Variants in SLC12A9 observed in about 807,000 individuals in gnomAD.
The protein encoded by SLC12A9 is CCC-interacting protein 1.
In SLC12A9, 55 loss-of-function variants were observed where a neutral mutation model predicts 66.0. The ratio of observed to expected loss-of-function variants is 0.83; its 90% CI spans 0.67 to 1.04. The LOEUF (loss-of-function observed/expected upper bound fraction) is 1.04, where lower values mean the gene tolerates loss of function less well. Ranked by LOEUF, SLC12A9 falls within the 50% of genes least tolerant of loss-of-function variation. SLC12A9 has a pLI of 0.00. For missense variants in SLC12A9, 1,061 were observed against 1,241.9 expected, an observed-to-expected ratio of 0.85 and a Z score of 2.19; for synonymous variants, 577 against 569.0, an observed-to-expected ratio of 1.01 and a Z score of -0.20.
chr7:100,836,408 C>G (rs1423266096), intron 1 of SLC12A9, among the ~76,000 whole-genome samples: 1 of 152,072 alleles, frequency 6.6e-6, no homozygotes, highest in East Asian at 1.9e-4. Context: ...GACGCAGGGC[C>G]TCAGCCCTCT....
rs372145865 is a variant in SLC12A9, at chr7:100,865,917, C to T, written c.2057C>T (p.Thr686Met). ...CTCAATCCCCAGGACTATGTGGCCA[C>T]GGTGGCCGACGCCCTCAAGATGAAC... ...RALNPQDYVA[T>M]VADALKMNKN... The change falls in exon 14 of 14, where the codon ACG (threonine) becomes ATG (methionine). Residue 686 changes from threonine (T) to methionine (M), a missense_variant. Physicochemically the swap from Thr to Met is moderately conservative, Grantham distance 81. Transcript: ENST00000354161. 18 of 1,613,324 alleles carry T rather than the reference C, an allele frequency of 1.1e-5. No individual in the cohort carries two copies. Among genetic ancestry groups the T allele is most frequent in the East Asian group, 4.5e-5 (2 of 44,872 alleles).
intron 12 of SLC12A9, 33 bp from the exon 13 acceptor site, chr7:100,862,648 C>A (rs370763540): frequency 1.7e-5 from 28 of 1,611,396 alleles, no homozygotes; most frequent in Non-Finnish European, 2.3e-5. Flanking sequence ...TTGGACAACA[C>A]TGGCTACCTT....
chr7:100,836,604 GCCTCGCACTGCTGC>G (rs1813664245), intron 1 of SLC12A9, among the ~76,000 whole-genome samples: 1 of 152,142 alleles, frequency 6.6e-6, no homozygotes, highest in Non-Finnish European at 1.5e-5. Flanking sequence ...CAGGGGTCTA[GCCTCGCACTGCTGC>G]CCTCCAGGAA....
At chr7:100,858,654 TG>T in intron 5 of SLC12A9, 180 bp from the exon 6 acceptor site, 8 of 592,288 alleles carry the variant, frequency 1.4e-5, no homozygotes, top group South Asian at 7.9e-5. Context: ...ATCGGAGCAC[TG>T]GGGGGACGTG....
chr7:100,860,842 G>T, intron 9 of SLC12A9: 1 of 500,670 alleles, frequency 2.0e-6, no homozygotes. Flanking sequence ...CACTTTGGGG[G>T]TACACTGGCA....
At chr7:100,826,955 GCC>G (rs141919245) in exon 1 of SLC12A9, 4 of 1,485,256 alleles carry the variant, frequency 2.7e-6, no homozygotes, top group African/African-American at 3.0e-5. Context: ...GACGGGGTGC[GCC>G]CCCCCCCGCA....
At chr7:100,828,880 A>G (rs1314255209) in intron 1 of SLC12A9, among the ~76,000 whole-genome samples, 2 of 152,114 alleles carry the variant, frequency 1.3e-5, no homozygotes, top group African/African-American at 4.8e-5. Flanking sequence ...GGAACTTAAC[A>G]GTATGGGTTA....
intron 1 of SLC12A9, among the ~76,000 whole-genome samples, chr7:100,843,875 G>T (rs1813841909): frequency 6.6e-6 from 1 of 152,110 alleles, no homozygotes; most frequent in Non-Finnish European, 1.5e-5. Context: ...AACTGTATAG[G>T]GGTGTTAGAC....
At chr7:100,853,117 G>A (rs1401563896) in intron 1 of SLC12A9, among the ~76,000 whole-genome samples, 1 of 152,040 alleles carries the variant, frequency 6.6e-6, no homozygotes, top group Non-Finnish European at 1.5e-5. Flanking sequence ...GAGATGGGTT[G>A]AGGGAGAGGA....
intron 1 of SLC12A9, among the ~76,000 whole-genome samples, chr7:100,843,599 G>C (rs1418064235): frequency 6.6e-6 from 1 of 152,224 alleles, no homozygotes; most frequent in Non-Finnish European, 1.5e-5. Flanking sequence ...GGTTTCCAAA[G>C]GCTGGCCCCC....
chr7:100,827,004 C>A, exon 1 of SLC12A9: 1 of 1,580,738 alleles, frequency 6.3e-7, no homozygotes, highest in East Asian at 2.4e-5. Flanking sequence ...CCAACGAAGC[C>A]CAGCAGAGCA....
In SLC12A9 at chr7:100,865,786, G is replaced by C. The variant is rs1257816257; in HGVS notation, c.1926G>C (p.Leu642=). Residue 642 remains leucine, a synonymous_variant, in exon 14 of 14, where the codon CTG becomes CTC. Coordinates refer to ENST00000354161, the MANE Select transcript of SLC12A9 (RefSeq NM_020246.4). ...ACGCTCCACCGCAGGACCATTTCCT[G>C]ACGGACCCGGCTTTCTCTGAGCCTG... ...YDDAPPQDHF[L]TDPAFSEPAD... 1 of 1,614,036 alleles carries C rather than the reference G, an allele frequency of 6.2e-7. No homozygotes were observed. Among genetic ancestry groups the C allele is most frequent in the Non-Finnish European group, 8.5e-7 (1 of 1,180,018 alleles).
upstream of SLC12A9, among the ~76,000 whole-genome samples, chr7:100,848,683 G>A (rs1291574940): frequency 6.6e-6 from 1 of 151,874 alleles, no homozygotes; most frequent in Non-Finnish European, 1.5e-5. Flanking sequence ...TCAGGAGATC[G>A]AGACCATTCT....
At chr7:100,847,807 C>T (rs137963128), upstream of SLC12A9, among the ~76,000 whole-genome samples, 145 of 151,912 alleles carry the variant, frequency 9.5e-4, no homozygotes, top group Admixed American at 7.9e-3. Flanking sequence ...GTAGTAGAGC[C>T]GGGTGCCATG....
At chr7:100,865,665 T>G in intron 13 of SLC12A9, 54 bp from the exon 14 acceptor site, 3 of 1,564,700 alleles carry the variant, frequency 1.9e-6, no homozygotes, top group Non-Finnish European at 2.6e-6. Flanking sequence ...TGGTGTAAAC[T>G]TAGCCTGTGA....
intron 1 of SLC12A9, chr7:100,827,240 G>C (rs1181906434): frequency 1.0e-5 from 2 of 195,906 alleles, no homozygotes; most frequent in East Asian, 3.0e-4. Context: ...CGGCGGGCCC[G>C]GAGCGTGCTG....
chr7:100,854,494 T>C (rs1488934326), intron 2 of SLC12A9, 116 bp downstream of exon 2: 1 of 1,589,672 alleles, frequency 6.3e-7, no homozygotes, highest in Non-Finnish European at 8.6e-7. Flanking sequence ...AGCGGTTGGC[T>C]GAAGGGTTTG....
intron 5 of SLC12A9, chr7:100,858,548 C>T: frequency 3.1e-6 from 1 of 323,742 alleles, no homozygotes; most frequent in African/African-American, 2.1e-5. Flanking sequence ...TACGATGGTG[C>T]CACTGCACTC....
At chr7:100,854,484 AGCGGTTG>A (rs1490205190) in intron 2 of SLC12A9, 106 bp downstream of exon 2, 1 of 1,586,906 alleles carries the variant, frequency 6.3e-7, no homozygotes, top group Admixed American at 1.9e-5. Context: ...ACCCAAGAGA[AGCGGTTG>A]GCTGAAGGGT....
Sources: allele counts gnomAD v4.1 joint callset (sites outside exome capture counted in the v4.1 genomes callset), GRCh38; gene constraint gnomAD v4.1.1; transcripts MANE v1.5; gene names NCBI Gene and HGNC (gene_info 2026-07-23, HGNC 2026-07-21).